ABTB3: variants seen among roughly 807,000 people sequenced by gnomAD.
The protein encoded by ABTB3 is ankyrin repeat- and BTB/POZ domain-containing protein 3.
chr12:107,534,067 C>T, the ABTB3 span, among the ~76,000 whole-genome samples: 1 of 152,164 alleles, frequency 6.6e-6, no homozygotes, highest in African/African-American at 2.4e-5. Flanking sequence ...GCCACAGTGA[C>T]ATGCATCTGT....
At chr12:107,446,280 G>T in the ABTB3 span, among the ~76,000 whole-genome samples, 89 of 152,226 alleles carry the variant, frequency 5.8e-4, no homozygotes, top group African/African-American at 1.3e-3. Context: ...GTAGAACAAG[G>T]CCAGCAGCTT....
At chr12:107,370,970 A>C in the ABTB3 span, among the ~76,000 whole-genome samples, 1 of 151,962 alleles carries the variant, frequency 6.6e-6, no homozygotes, top group East Asian at 1.9e-4. Context: ...GGCAGCCCTC[A>C]GAGGGCGTTT....
At chr12:107,632,649 T>C in the ABTB3 span, among the ~76,000 whole-genome samples, 1 of 152,218 alleles carries the variant, frequency 6.6e-6, no homozygotes, top group Non-Finnish European at 1.5e-5. Context: ...ATGGCTTCTC[T>C]GGGTTGGAAA....
chr12:107,470,016 C>T, the ABTB3 span, among the ~76,000 whole-genome samples: 3 of 130,904 alleles, frequency 2.3e-5, no homozygotes, highest in African/African-American at 6.0e-5. Context: ...TTCTTTCTCT[C>T]TCTCTCTCTC....
the ABTB3 span, among the ~76,000 whole-genome samples, chr12:107,409,563 G>C: frequency 6.6e-6 from 1 of 152,242 alleles, no homozygotes; most frequent in Admixed American, 6.5e-5. Context: ...CAGCGACATG[G>C]ATAGAGCTGG....
the ABTB3 span, among the ~76,000 whole-genome samples, chr12:107,530,238 G>A: frequency 1.3e-5 from 2 of 152,214 alleles, no homozygotes; most frequent in Non-Finnish European, 2.9e-5. Context: ...GGAAATGAAT[G>A]AGTGGAGTAG....
chr12:107,444,050 C>G, the ABTB3 span, among the ~76,000 whole-genome samples: 2 of 152,196 alleles, frequency 1.3e-5, no homozygotes, highest in Admixed American at 6.5e-5. Flanking sequence ...GAACCTCCCC[C>G]ACCTTGCAGT....
At chr12:107,389,440 G>A in the ABTB3 span, among the ~76,000 whole-genome samples, 1 of 151,818 alleles carries the variant, frequency 6.6e-6, no homozygotes, top group South Asian at 2.1e-4. Context: ...GCTTATAAAT[G>A]ATAGAGCCGG....
chr12:107,334,119 G>T, the ABTB3 span, among the ~76,000 whole-genome samples: 1 of 152,206 alleles, frequency 6.6e-6, no homozygotes, highest in Non-Finnish European at 1.5e-5. Flanking sequence ...GCCAGGTTGG[G>T]TAGGGCCCCA....
the ABTB3 span, among the ~76,000 whole-genome samples, chr12:107,424,105 C>T: frequency 6.6e-6 from 1 of 152,120 alleles, no homozygotes; most frequent in African/African-American, 2.4e-5. Context: ...GAAGCCAGAG[C>T]GGGCACTTAA....
chr12:107,330,300 C>T, the ABTB3 span, among the ~76,000 whole-genome samples: 1 of 152,026 alleles, frequency 6.6e-6, no homozygotes, highest in Non-Finnish European at 1.5e-5. Context: ...GATTTGTGTT[C>T]TAAAAAGATC....
chr12:107,601,577 T>C, the ABTB3 span, among the ~76,000 whole-genome samples: 5 of 152,136 alleles, frequency 3.3e-5, no homozygotes, highest in Non-Finnish European at 2.9e-5. Flanking sequence ...GCCCAGTGTT[T>C]GGCAGCACAT....
At chr12:107,417,146 T>C in the ABTB3 span, among the ~76,000 whole-genome samples, 1 of 152,238 alleles carries the variant, frequency 6.6e-6, no homozygotes, top group Non-Finnish European at 1.5e-5. Context: ...GAAAGGAGGT[T>C]TCCTCATTCA....
At chr12:107,521,039 G>A in the ABTB3 span, among the ~76,000 whole-genome samples, 3 of 152,186 alleles carry the variant, frequency 2.0e-5, no homozygotes, top group Non-Finnish European at 4.4e-5. Context: ...CTGGGAATAG[G>A]CCTTGCCGTG....
chr12:107,567,429 T>A, the ABTB3 span, among the ~76,000 whole-genome samples: 2 of 152,372 alleles, frequency 1.3e-5, no homozygotes, highest in Admixed American at 1.3e-4. Context: ...ACTGTATTTT[T>A]ACTGTGCCTT....
chr12:107,602,604 C>T, the ABTB3 span, among the ~76,000 whole-genome samples: 9 of 152,288 alleles, frequency 5.9e-5, no homozygotes, highest in South Asian at 2.1e-4. Context: ...AAAGTGGTTA[C>T]GTAACTGGCC....
the ABTB3 span, among the ~76,000 whole-genome samples, chr12:107,392,527 C>T: frequency 2.0e-5 from 3 of 152,132 alleles, no homozygotes; most frequent in Non-Finnish European, 2.9e-5. Flanking sequence ...TTCTCATTCC[C>T]GAGCCTTTGT....
At chr12:107,551,563 C>T in the ABTB3 span, among the ~76,000 whole-genome samples, 1 of 152,194 alleles carries the variant, frequency 6.6e-6, no homozygotes, top group Non-Finnish European at 1.5e-5. Context: ...ATCTGGCCCA[C>T]TGTCTGTTTT....
the ABTB3 span, among the ~76,000 whole-genome samples, chr12:107,326,877 G>A: frequency 6.6e-6 from 1 of 152,234 alleles, no homozygotes; most frequent in African/African-American, 2.4e-5. Flanking sequence ...GCATTGTGGG[G>A]TTGTATCCTA....
Sources: gnomAD v4.1 joint callset for allele counts (sites outside exome capture counted in the v4.1 genomes callset) on GRCh38, gnomAD v4.1.1 for gene constraint, MANE v1.5 for transcripts, NCBI Gene and HGNC (gene_info 2026-07-23, HGNC 2026-07-21) for gene names.